The following KCNN2 variants were observed in gnomAD, a reference collection of about 807,000 sequenced individuals.
The protein encoded by KCNN2 is small conductance calcium-activated potassium channel protein 2.
Under a neutral mutation model 55.5 loss-of-function variants are expected in KCNN2, and 24 were observed. That is an observed-to-expected ratio of 0.43 (90% CI 0.31 to 0.61). KCNN2 has a LOEUF of 0.61. KCNN2 is among the 20% of genes least tolerant of loss of function. The pLI, the probability that KCNN2 is intolerant of heterozygous loss-of-function variation, is 0.08. For synonymous variants in KCNN2, 431 were observed against 336.1 expected, an observed-to-expected ratio of 1.28 and a Z score of -3.09; for missense variants, 754 against 853.6, an observed-to-expected ratio of 0.88 and a Z score of 1.45.
Position 114,363,908 on chromosome 5 carries a change from G to A in KCNN2, c.1125G>A (p.Ala375=), listed in dbSNP as rs897216422. The A allele has an allele frequency of 1.4e-5, 22 of 1,612,662 alleles. No individual in the cohort carries two copies. The highest frequency in any genetic ancestry group is 6.7e-5 in the African/African-American group (5 of 74,894). ...GCTTCTGTCTGACTGTGTTGCAGGCGTCGCTGTATTCCTTAGCTCTGAAAT... is the reference window on the plus strand; with the variant it reads ...GCTTCTGTCTGACTGTGTTGCAGGCATCGCTGTATTCCTTAGCTCTGAAAT... ...TELSWGAYDK[A]SLYSLALKCL... Residue 375 remains alanine (A), a splice_region_variant and synonymous_variant, in exon 2 of 8, where the codon GCG becomes GCA. Coordinates refer to ENST00000673685, the MANE Select transcript of KCNN2 (RefSeq NM_021614.4).
At chr5:114,385,447 T>C (rs1412880810) in intron 2 of KCNN2, among the ~76,000 whole-genome samples, 1 of 152,076 alleles carries the variant, frequency 6.6e-6, no homozygotes. Context: ...TTGTGGCGTA[T>C]AATGTTCTTT....
At chr5:114,394,119 C>T (rs779960766) in intron 2 of KCNN2, among the ~76,000 whole-genome samples, 14 of 152,134 alleles carry the variant, frequency 9.2e-5, no homozygotes, top group Admixed American at 3.3e-4. Flanking sequence ...ACACTTCTGC[C>T]TGAGATATGC....
At chr5:114,488,925 G>A (rs896235875) in intron 6 of KCNN2, 1 of 152,296 alleles carries the variant, frequency 6.6e-6, no homozygotes, top group Admixed American at 6.5e-5. Context: ...CAGGGTGGAA[G>A]GGTATGAGAT....
At chr5:114,265,912 G>A (rs1056585259) in intron 2 of KCNN2, among the ~76,000 whole-genome samples, 4 of 152,148 alleles carry the variant, frequency 2.6e-5, no homozygotes, top group African/African-American at 9.7e-5. Flanking sequence ...TTGCTTTGGA[G>A]AGATTGGAGA....
At chr5:114,071,982 G>A (rs113635724) in intron 1 of KCNN2, among the ~76,000 whole-genome samples, 232 of 152,216 alleles carry the variant, frequency 1.5e-3, no homozygotes, top group Middle Eastern at 3.4e-3. Flanking sequence ...GTTATTGTGA[G>A]CATGGGTTGG....
intron 2 of KCNN2, among the ~76,000 whole-genome samples, chr5:114,374,587 G>A (rs1757878174): frequency 6.6e-6 from 1 of 152,132 alleles, no homozygotes; most frequent in Admixed American, 6.5e-5. Context: ...TCTGGGTACA[G>A]TGATTGTTTT....
intron 1 of KCNN2, among the ~76,000 whole-genome samples, chr5:114,141,588 A>G (rs1407202725): frequency 2.0e-5 from 3 of 152,188 alleles, no homozygotes; most frequent in Non-Finnish European, 4.4e-5. Flanking sequence ...GCTGCAGTAA[A>G]CATATGTGTG....
At chr5:114,418,571 TG>T (rs1759376090) in intron 3 of KCNN2, among the ~76,000 whole-genome samples, 1 of 151,474 alleles carries the variant, frequency 6.6e-6, no homozygotes, top group Non-Finnish European at 1.5e-5. Context: ...ATGGGGCAAG[TG>T]GGGCTGGCGG....
intron 2 of KCNN2, among the ~76,000 whole-genome samples, chr5:114,235,702 C>G (rs1754477225): frequency 6.6e-6 from 1 of 152,196 alleles, no homozygotes; most frequent in Non-Finnish European, 1.5e-5. Flanking sequence ...CTCTAGTACA[C>G]AATGTAGCTT....
At chr5:114,473,611 G>T (rs1404969735) in intron 5 of KCNN2, among the ~76,000 whole-genome samples, 3 of 152,162 alleles carry the variant, frequency 2.0e-5, no homozygotes, top group African/African-American at 7.2e-5. Context: ...CCAAGATAGG[G>T]CCAGAAACAG....
chr5:114,334,826 A>G (rs534157458), intron 2 of KCNN2, among the ~76,000 whole-genome samples: 1 of 152,198 alleles, frequency 6.6e-6, no homozygotes, highest in Non-Finnish European at 1.5e-5. Flanking sequence ...ACCCATGTTA[A>G]TTATGTAAGA....
chr5:114,345,990 C>G (rs1038997955), intron 2 of KCNN2, among the ~76,000 whole-genome samples: 1 of 152,216 alleles, frequency 6.6e-6, no homozygotes, highest in East Asian at 1.9e-4. Flanking sequence ...ACCATGTTGG[C>G]TGGGCTTGTC....
rs139431957 is a variant in KCNN2 at position 114,098,240 on chromosome 5, A to G, written c.-271+41740A>G. Reference sequence around the variant, plus strand: ...CCATCTCAAGGTTCTTCACTTAATCATATCTGCAAAGTCCCTTTTACCATG... The same window carrying G: ...CCATCTCAAGGTTCTTCACTTAATCGTATCTGCAAAGTCCCTTTTACCATG... On this transcript the variant is annotated intron_variant, in intron 1 of 10. Coordinates refer to the KCNN2 transcript ENST00000512097. Among the ~76,000 whole-genome samples, 60 of 152,154 alleles carry G rather than the reference A, an allele frequency of 3.9e-4. No individual in the cohort carries two copies. The East Asian group carries it at 0.01, about 27-fold the overall frequency.
At chr5:114,387,406 C>T (rs115085134) in intron 2 of KCNN2, among the ~76,000 whole-genome samples, 44 of 152,296 alleles carry the variant, frequency 2.9e-4, no homozygotes, top group Middle Eastern at 3.4e-3. Flanking sequence ...TGGAATTAAA[C>T]ACTGAGCTAC....
chr5:114,461,126 C>T (rs1761170453), intron 3 of KCNN2, among the ~76,000 whole-genome samples: 1 of 152,120 alleles, frequency 6.6e-6, no homozygotes, highest in Non-Finnish European at 1.5e-5. Context: ...TAGCAGGCTC[C>T]CAGAGCAGTC....
intron 1 of KCNN2, among the ~76,000 whole-genome samples, chr5:114,158,434 C>A (rs545252066): frequency 1.3e-5 from 2 of 152,010 alleles, no homozygotes; most frequent in Non-Finnish European, 2.9e-5. Context: ...AGTCAGGTAG[C>A]ATGATGCTTC....
At chr5:114,364,044 A>G (rs769348019) in intron 2 of KCNN2, 43 bp downstream of exon 2, 1 of 1,443,938 alleles carries the variant, frequency 6.9e-7, no homozygotes, top group Admixed American at 1.7e-5. Context: ...AAAGCCCTAC[A>G]GTCAGCCTAG....
chr5:114,372,564 C>T (rs1352748022), intron 2 of KCNN2, among the ~76,000 whole-genome samples: 1 of 151,880 alleles, frequency 6.6e-6, no homozygotes, highest in Non-Finnish European at 1.5e-5. Flanking sequence ...TGACCTAATC[C>T]CTTTACTCTT....
At chr5:114,216,795 A>C (rs1754012365) in intron 1 of KCNN2, among the ~76,000 whole-genome samples, 1 of 152,126 alleles carries the variant, frequency 6.6e-6, no homozygotes, top group South Asian at 2.1e-4. Flanking sequence ...AAGGCAGTAA[A>C]AAGTATAGAG....
Sources: allele counts gnomAD v4.1 joint callset (sites outside exome capture counted in the v4.1 genomes callset), GRCh38; gene constraint gnomAD v4.1.1; transcripts MANE v1.5; gene names NCBI Gene and HGNC (gene_info 2026-07-23, HGNC 2026-07-21).